MINDY3: variants seen among roughly 807,000 people sequenced by gnomAD.
MINDY3 encodes MINDY lysine 48 deubiquitinase 3, also known as ubiquitin carboxyl-terminal hydrolase MINDY-3.
MINDY3 carries 38 observed loss-of-function variants against 69.2 expected under a neutral mutation model. That is an observed-to-expected ratio of 0.55 (90% CI 0.42 to 0.72). The LOEUF is 0.72. Among genes scored for constraint, MINDY3 ranks in the 30% least tolerant of loss-of-function variants. The pLI, the probability that MINDY3 is intolerant of heterozygous loss-of-function variation, is 0.00. For missense variants in MINDY3, 522 were observed against 519.0 expected, an observed-to-expected ratio of 1.01 and a Z score of -0.06; for synonymous variants, 192 against 180.1, an observed-to-expected ratio of 1.07 and a Z score of -0.53.
chr10:15,838,635 A>G (rs565539438), intron 4 of MINDY3, among the ~76,000 whole-genome samples: 1 of 151,822 alleles, frequency 6.6e-6, no homozygotes, highest in South Asian at 2.1e-4. Context: ...AAATCCAAGT[A>G]ATATCATCAG....
chr10:15,821,122 G>T (rs1839728141), intron 9 of MINDY3, among the ~76,000 whole-genome samples: 1 of 152,106 alleles, frequency 6.6e-6, no homozygotes, highest in Non-Finnish European at 1.5e-5. Flanking sequence ...AGCAATAAAT[G>T]AGAGTTCCAT....
chr10:15,790,173 T>A (rs964999391), intron 11 of MINDY3, among the ~76,000 whole-genome samples: 1 of 152,084 alleles, frequency 6.6e-6, no homozygotes, highest in African/African-American at 2.4e-5. Flanking sequence ...AACTACAGAA[T>A]AAAGTGTGCA....
chr10:15,818,255 G>A (rs1417469773), intron 9 of MINDY3, among the ~76,000 whole-genome samples: 1 of 151,918 alleles, frequency 6.6e-6, no homozygotes, highest in Non-Finnish European at 1.5e-5. Flanking sequence ...GCCTCGTGTG[G>A]TGAAGAGATT....
At chr10:15,789,520 T>TA (rs1837253627) in intron 11 of MINDY3, among the ~76,000 whole-genome samples, 1 of 152,126 alleles carries the variant, frequency 6.6e-6, no homozygotes, top group Admixed American at 6.6e-5. Context: ...CATCGGCAAA[T>TA]ACTTAAAAAT....
intron 2 of MINDY3, among the ~76,000 whole-genome samples, chr10:15,843,712 T>C (rs1214886077): frequency 6.6e-6 from 1 of 152,096 alleles, no homozygotes; most frequent in Non-Finnish European, 1.5e-5. Flanking sequence ...ATTAACACTA[T>C]TAGAGTCATC....
chr10:15,844,160 T>G (rs1001364670), intron 2 of MINDY3, among the ~76,000 whole-genome samples: 1 of 152,178 alleles, frequency 6.6e-6, no homozygotes. Flanking sequence ...ATCTATGTAA[T>G]GCACTTAGCA....
chr10:15,860,263 A>G lies in MINDY3; in HGVS notation c.37T>C (p.Trp13Arg). Residue 13 changes from tryptophan (W) to arginine (R), a missense_variant, in exon 1 of 15, where the codon TGG becomes CGG. By Grantham distance (101) the Trp-to-Arg change is moderately radical. Coordinates refer to ENST00000277632, the MANE Select transcript of MINDY3 (RefSeq NM_024948.4). ...AGACCGGGGCTGCTCTTGGTGCCCC[A>G]CACCAGCTCCATCAGCTCTTTAGTC... ...ELTKELMELV[W>R]GTKSSPGLSD... The G allele has an allele frequency of 6.2e-7, 1 of 1,610,668 alleles. No individual in the cohort carries two copies. Among genetic ancestry groups the G allele is most frequent in the Non-Finnish European group, 8.5e-7 (1 of 1,178,604 alleles).
intron 9 of MINDY3, among the ~76,000 whole-genome samples, chr10:15,819,664 T>C (rs1317481727): frequency 6.6e-6 from 1 of 152,186 alleles, no homozygotes; most frequent in Non-Finnish European, 1.5e-5. Flanking sequence ...CCAGATGCAA[T>C]CCTGCATGTG....
At chr10:15,834,289 G>T (rs1210862497) in intron 7 of MINDY3, among the ~76,000 whole-genome samples, 1 of 151,846 alleles carries the variant, frequency 6.6e-6, no homozygotes, top group Admixed American at 6.6e-5. Context: ...AATTACAAAT[G>T]GATTTGTTAA....
At chr10:15,805,537 A>G (rs1189148315) in intron 10 of MINDY3, among the ~76,000 whole-genome samples, 1 of 152,100 alleles carries the variant, frequency 6.6e-6, no homozygotes. Flanking sequence ...GTGGTAGATA[A>G]TATTATTGTT....
At chr10:15,818,032 G>C (rs1839490762) in intron 9 of MINDY3, 1 of 152,232 alleles carries the variant, frequency 6.6e-6, no homozygotes, top group African/African-American at 2.4e-5. Flanking sequence ...AAGGAACAAA[G>C]AAAGAGGGAA....
Sources: gnomAD v4.1 joint callset for allele counts (sites outside exome capture counted in the v4.1 genomes callset) on GRCh38, gnomAD v4.1.1 for gene constraint, MANE v1.5 for transcripts, NCBI Gene and HGNC (gene_info 2026-07-23, HGNC 2026-07-21) for gene names.